The following ARHGEF38 variants were observed in gnomAD, a reference collection of about 807,000 sequenced individuals.
The protein encoded by ARHGEF38 is Rho guanine nucleotide exchange factor (GEF) 38.
A neutral mutation model predicts 79.9 loss-of-function variants in ARHGEF38; 79 were observed. The ratio of observed to expected loss-of-function variants is 0.99; its 90% CI spans 0.82 to 1.19. The LOEUF (loss-of-function observed/expected upper bound fraction) is 1.19. Ranked by LOEUF, ARHGEF38 falls within the 50% of genes most tolerant of loss-of-function variation. ARHGEF38 has a pLI of 0.00. For missense variants in ARHGEF38, 962 were observed against 907.2 expected, an observed-to-expected ratio of 1.06 and a Z score of -0.78; for synonymous variants, 366 against 328.3, an observed-to-expected ratio of 1.11 and a Z score of -1.24.
chr4:105,595,848 T>A (rs1727555259), intron 2 of ARHGEF38, among the ~76,000 whole-genome samples: 1 of 152,208 alleles, frequency 6.6e-6, no homozygotes, highest in Admixed American at 6.5e-5. Flanking sequence ...TCAATACAGA[T>A]GCATTTTAAA....
At chr4:105,627,697 A>G (rs937706165) in intron 3 of ARHGEF38, among the ~76,000 whole-genome samples, 3 of 152,210 alleles carry the variant, frequency 2.0e-5, no homozygotes, top group Admixed American at 6.5e-5. Flanking sequence ...ATTACCTTCA[A>G]TGGTCTTGGC....
At chr4:105,671,422 T>C (rs893001034) in intron 13 of ARHGEF38, among the ~76,000 whole-genome samples, 3 of 152,210 alleles carry the variant, frequency 2.0e-5, no homozygotes, top group African/African-American at 7.2e-5. Flanking sequence ...TCTCCCTTAA[T>C]GTCTTAACTC....
chr4:105,630,898 G>A lies in ARHGEF38; in HGVS notation c.509G>A (p.Gly170Glu). ...TTTGCCTTTGTTTTGCATTTATCAG[G>A]AGAAGTATTCTTGCAGATTAAAGGG... is the stretch of plus-strand genomic sequence containing the variant. ...TDVEPAMQVI[G>E]EVFLQIKGPL... Residue 170 changes from glycine (G) to glutamate (E), a missense_variant and splice_region_variant, in exon 4 of 14, where the codon GGA becomes GAA. By Grantham distance (98) the Gly-to-Glu change is moderately conservative. Transcript: ENST00000420470. 1 of 1,604,416 alleles carries A rather than the reference G, an allele frequency of 6.2e-7. No homozygotes were observed.
intron 3 of ARHGEF38, among the ~76,000 whole-genome samples, chr4:105,629,504 ATAATAGGTCCAGAT>A (rs1729092866): frequency 6.6e-6 from 1 of 151,856 alleles, no homozygotes; most frequent in Admixed American, 6.6e-5. Context: ...CCTGTTAACT[ATAATAGGTCCAGAT>A]TAATAGGTCC....
At chr4:105,571,553 C>A (rs184824070) in intron 1 of ARHGEF38, among the ~76,000 whole-genome samples, 2 of 151,958 alleles carry the variant, frequency 1.3e-5, no homozygotes, top group Non-Finnish European at 2.9e-5. Flanking sequence ...AAACTCCTGA[C>A]CTCAGGTGAT....
intron 3 of ARHGEF38, among the ~76,000 whole-genome samples, chr4:105,628,913 C>T (rs1387164819): frequency 6.6e-6 from 1 of 152,124 alleles, no homozygotes; most frequent in East Asian, 1.9e-4. Flanking sequence ...CCTTAAGAGA[C>T]AAATGACAAT....
chr4:105,560,633 G>A (rs998251585), intron 1 of ARHGEF38, among the ~76,000 whole-genome samples: 2 of 152,274 alleles, frequency 1.3e-5, no homozygotes, highest in Non-Finnish European at 2.9e-5. Flanking sequence ...TCTGAACAAT[G>A]TTTTTCTTGA....
Position 105,659,297 on chromosome 4 carries a change from T to G in ARHGEF38, c.1477T>G (p.Cys493Gly). 12 of 1,536,098 alleles carry G rather than the reference T, an allele frequency of 7.8e-6. No homozygotes were observed. The highest frequency in any genetic ancestry group is 9.6e-6 in the Non-Finnish European group (11 of 1,146,882). Residue 493 changes from cysteine (C) to glycine (G), a missense_variant, in exon 10 of 14, where the codon TGC becomes GGC. Physicochemically the swap from Cys to Gly is radical, Grantham distance 159. Transcript: ENST00000420470. ...AARKILLNCL[C>G]SFITLLRDLM... ...TCGGAAGATTCTGTTGAACTGTCTA[T>G]GCAGCTTCATTACCCTCCTTAGGGA...
intron 2 of ARHGEF38, among the ~76,000 whole-genome samples, chr4:105,595,553 A>G (rs145903528): frequency 1.3e-3 from 191 of 152,308 alleles, no homozygotes; most frequent in African/African-American, 4.4e-3. Flanking sequence ...TTGTTTATAC[A>G]AACATACTGA....
intron 3 of ARHGEF38, among the ~76,000 whole-genome samples, chr4:105,626,505 T>G (rs1302005228): frequency 1.3e-5 from 2 of 152,228 alleles, no homozygotes; most frequent in Admixed American, 1.3e-4. Flanking sequence ...CTTTCCCAAC[T>G]GTCACACATC....
At chr4:105,590,114 GGAAGGAAGGAAGGAAA>G (rs1330166056) in intron 2 of ARHGEF38, among the ~76,000 whole-genome samples, 3 of 129,668 alleles carry the variant, frequency 2.3e-5, no homozygotes, top group Non-Finnish European at 3.3e-5. Context: ...AAGGAAGGAA[GGAAGGAAGGAAGGAAA>G]GAAAGAAAAA....
At chr4:105,626,115 A>T (rs1034158799) in intron 3 of ARHGEF38, among the ~76,000 whole-genome samples, 3 of 152,212 alleles carry the variant, frequency 2.0e-5, no homozygotes, top group Admixed American at 1.3e-4. Context: ...CTAGATTAAT[A>T]TATCCAATTT....
chr4:105,633,741 T>C (rs999149970), intron 4 of ARHGEF38, among the ~76,000 whole-genome samples: 2 of 152,142 alleles, frequency 1.3e-5, no homozygotes, highest in Admixed American at 1.3e-4. Flanking sequence ...ATGTTGAAAA[T>C]ATTTTTTAAA....
At chr4:105,636,198 C>G (rs1241573091) in intron 4 of ARHGEF38, among the ~76,000 whole-genome samples, 1 of 151,904 alleles carries the variant, frequency 6.6e-6, no homozygotes, top group Non-Finnish European at 1.5e-5. Context: ...TTATCCATAG[C>G]CACTTGAGGC....
At chr4:105,557,289 T>A (rs541545419) in intron 1 of ARHGEF38, among the ~76,000 whole-genome samples, 1 of 152,256 alleles carries the variant, frequency 6.6e-6, no homozygotes, top group Admixed American at 6.5e-5. Flanking sequence ...CTTGTATGTG[T>A]TCGTGTGTGT....
At chr4:105,619,569 T>C (rs1728656391) in intron 3 of ARHGEF38, among the ~76,000 whole-genome samples, 1 of 152,112 alleles carries the variant, frequency 6.6e-6, no homozygotes. Flanking sequence ...TTATTTCAAC[T>C]CAAATGGTGA....
At position 105,656,671 on chromosome 4, in the gene ARHGEF38, A is replaced by G. The variant is rs112032254; in HGVS notation, c.1233+949A>G. The stretch of plus-strand genomic sequence containing the variant: ...ATAGACTGATCATCTTGAAAGTGGC[A>G]TTTTCGTGTTGGCATTATAGGCATT... On this transcript the variant is annotated intron_variant, in intron 9 of 13. Transcript: ENST00000420470. Among the ~76,000 whole-genome samples, 6 of 152,252 alleles carry G rather than the reference A, an allele frequency of 3.9e-5. 1 individual carries two copies. The highest frequency in any genetic ancestry group is 1.2e-4 in the African/African-American group (5 of 41,542).
At chr4:105,619,820 A>G (rs988778620) in intron 3 of ARHGEF38, among the ~76,000 whole-genome samples, 1 of 152,196 alleles carries the variant, frequency 6.6e-6, no homozygotes, top group Non-Finnish European at 1.5e-5. Context: ...TTCCATTACT[A>G]AACCTTTTAC....
At chr4:105,572,138 T>A (rs1055880150) in intron 1 of ARHGEF38, among the ~76,000 whole-genome samples, 1 of 152,062 alleles carries the variant, frequency 6.6e-6, no homozygotes, top group Non-Finnish European at 1.5e-5. Flanking sequence ...ACAGAAGACT[T>A]TTTTTTAAGA....
Sources: allele counts gnomAD v4.1 joint callset (sites outside exome capture counted in the v4.1 genomes callset), GRCh38; gene constraint gnomAD v4.1.1; transcripts MANE v1.5; gene names NCBI Gene and HGNC (gene_info 2026-07-23, HGNC 2026-07-21).